Variants in EPHB1 observed in about 807,000 individuals in gnomAD.
The protein encoded by EPHB1 is ephrin type-B receptor 1.
EPHB1 carries 30 observed loss-of-function variants against 94.4 expected under a neutral mutation model. That is an observed-to-expected ratio of 0.32 (90% confidence interval 0.24 to 0.43). The LOEUF is 0.43. EPHB1 is among the 20% of genes least tolerant of loss of function. The probability of loss-of-function intolerance (pLI) is 1.00; values close to 1 mark genes in which losing one functional copy is unlikely to be tolerated. For synonymous variants in EPHB1, 522 were observed against 489.1 expected (o/e 1.07, Z -0.89); for missense variants, 1,055 against 1,308.3 (o/e 0.81, Z 2.99).
At chr3:135,254,798 T>C (rs1391901681) in intron 15 of EPHB1, among the ~76,000 whole-genome samples, 4 of 152,140 alleles carry the variant, frequency 2.6e-5, no homozygotes, top group Non-Finnish European at 4.4e-5. Flanking sequence ...ATGGTACCAA[T>C]TCCTCCTTGT....
chr3:134,872,014 C>T, intron 1 of EPHB1, among the ~76,000 whole-genome samples: 1 of 152,194 alleles, frequency 6.6e-6, no homozygotes, highest in Middle Eastern at 3.2e-3. Context: ...TTCCCTCCAC[C>T]TCTGTTACTT....
intron 1 of EPHB1, among the ~76,000 whole-genome samples, chr3:134,849,884 T>C (rs912188851): frequency 9.2e-5 from 14 of 152,192 alleles, no homozygotes; most frequent in African/African-American, 3.1e-4. Context: ...GCTGGGGGGA[T>C]ATGCCTCCTT....
intron 10 of EPHB1, among the ~76,000 whole-genome samples, chr3:135,182,999 T>C (rs1435128937): frequency 1.5e-5 from 1 of 65,520 alleles, no homozygotes; most frequent in African/African-American, 5.1e-5. Context: ...TCTTTTCTTT[T>C]CTTTTCTTTT....
At chr3:135,050,918 GT>G in intron 3 of EPHB1, among the ~76,000 whole-genome samples, 1 of 137,114 alleles carries the variant, frequency 7.3e-6, no homozygotes, top group Admixed American at 7.0e-5. Context: ...CCCTTTGTGT[GT>G]GTGTGTGTGT....
Position 134,951,432 on chromosome 3 carries a change from A to G in EPHB1, c.185A>G (p.Asn62Ser). Reference protein sequence around the residue: ...LNTIRTYQVCNVFEPNQNNWL... With the variant: ...LNTIRTYQVCSVFEPNQNNWL... The stretch of plus-strand genomic sequence containing the variant: ...ACCATCCGCACCTACCAGGTGTGCA[A>G]TGTCTTCGAGCCCAACCAGAACAAT... The change falls in exon 3 of 16, where the codon AAT becomes AGT. Residue 62 changes from asparagine (N) to serine (S), a missense_variant. Physicochemically the swap from Asn to Ser is conservative, Grantham distance 46 (BLOSUM62 1). Coordinates refer to ENST00000398015, the MANE Select transcript of EPHB1 (RefSeq NM_004441.5). The surrounding 1 kb of genome is among the most constrained non-coding windows in gnomAD (Gnocchi z 4.5). 1.2e-6 allele frequency: 2 copies of G among 1,608,864 alleles called. No individual in the cohort carries two copies. Among genetic ancestry groups the G allele is most frequent in the Non-Finnish European group, 1.7e-6 (2 of 1,176,892 alleles).
chr3:134,987,879 A>G (rs1027752775), intron 3 of EPHB1, among the ~76,000 whole-genome samples: 3 of 152,186 alleles, frequency 2.0e-5, no homozygotes, highest in Non-Finnish European at 4.4e-5. Flanking sequence ...TGATACCTTG[A>G]TCTTGGACGC....
At chr3:134,995,213 A>G (rs1251139727) in intron 3 of EPHB1, among the ~76,000 whole-genome samples, 2 of 152,210 alleles carry the variant, frequency 1.3e-5, no homozygotes, top group South Asian at 2.1e-4. Context: ...AAGGTGCTGT[A>G]TAAATGGAAT....
chr3:135,180,133 A>G (rs936804555), intron 10 of EPHB1, among the ~76,000 whole-genome samples, 151 bp downstream of exon 10: 2 of 152,136 alleles, frequency 1.3e-5, no homozygotes, highest in Admixed American at 6.5e-5. Flanking sequence ...AACTATCTAC[A>G]TGTGTATCTA....
intron 4 of EPHB1, among the ~76,000 whole-genome samples, chr3:135,120,497 G>A (rs181836284): frequency 6.6e-6 from 1 of 152,310 alleles, no homozygotes; most frequent in Admixed American, 6.5e-5. Context: ...GGGAGGGACT[G>A]TAGAGGGTGT....
intron 12 of EPHB1, among the ~76,000 whole-genome samples, chr3:135,239,047 CAG>C (rs1470080267): frequency 6.6e-6 from 1 of 152,202 alleles, no homozygotes; most frequent in Non-Finnish European, 1.5e-5. Flanking sequence ...ATGATGAGAA[CAG>C]AGAGTCTGGC....
chr3:135,123,772 C>T lies in EPHB1; in HGVS notation c.962-8942C>T, dbSNP rs114570938. On this transcript the variant is annotated intron_variant, in intron 4 of 15. Transcript: ENST00000398015. Reference sequence around the variant, plus strand: ...ACATAGTATCTGTAAAAAGACTGTTCGTGCTGTTCAGAGATGTTACAAAGT... The same window carrying T: ...ACATAGTATCTGTAAAAAGACTGTTTGTGCTGTTCAGAGATGTTACAAAGT... 1.6e-3 allele frequency among the ~76,000 whole-genome samples: 247 copies of T among 151,958 alleles called. 7 individuals are homozygous for T. Among genetic ancestry groups the T allele is most frequent in the African/African-American group, 5.7e-3 (234 of 41,270 alleles).
intron 3 of EPHB1, among the ~76,000 whole-genome samples, chr3:134,994,642 T>C (rs1192578547): frequency 6.6e-6 from 1 of 152,212 alleles, no homozygotes; most frequent in Non-Finnish European, 1.5e-5. Flanking sequence ...CAGGCTGGCA[T>C]TGAACTCCTA....
chr3:135,151,681 TTTAA>T (rs144314553), intron 5 of EPHB1, among the ~76,000 whole-genome samples: 1,918 of 152,306 alleles, frequency 0.013, 37 homozygotes, highest in South Asian at 0.037. Context: ...AATAAATATG[TTTAA>T]TTAATTAATT....
chr3:135,190,553 A>G (rs1942428434), intron 10 of EPHB1, among the ~76,000 whole-genome samples: 1 of 151,866 alleles, frequency 6.6e-6, no homozygotes, highest in Admixed American at 6.6e-5. Flanking sequence ...ACATATATAC[A>G]TACATCCACA....
At chr3:135,145,388 C>T (rs1054388833) in intron 5 of EPHB1, among the ~76,000 whole-genome samples, 7 of 152,178 alleles carry the variant, frequency 4.6e-5, no homozygotes, top group African/African-American at 1.7e-4. Flanking sequence ...CCCCATCACT[C>T]ATAGCTTCTA....
At chr3:135,119,189 C>A in intron 4 of EPHB1, among the ~76,000 whole-genome samples, 1 of 152,116 alleles carries the variant, frequency 6.6e-6, no homozygotes, top group East Asian at 1.9e-4. Context: ...ATAACCCTTG[C>A]CTTTTTCTAT....
Position 135,233,204 on chromosome 3 carries a change from C to G in EPHB1, c.2347-7944C>G, listed in dbSNP as rs192149943. On this transcript the variant is annotated intron_variant, in intron 12 of 15. Transcript: ENST00000398015. ...CTGTGACAAGGCAGGTCTCTTCCAC[C>G]TATGAGCCTGTAAAATCAAAAGCAA... Among the ~76,000 whole-genome samples the G allele has an allele frequency of 2.1e-3, 322 of 152,328 alleles. 3 individuals carry two copies. Among genetic ancestry groups the G allele is most frequent in the Middle Eastern group, 0.01 (3 of 294 alleles).
intron 1 of EPHB1, among the ~76,000 whole-genome samples, chr3:134,879,839 G>A (rs560104590): frequency 6.6e-6 from 1 of 152,116 alleles, no homozygotes; most frequent in South Asian, 2.1e-4. Flanking sequence ...AAAAGTAGGG[G>A]TTGGTGAAGT....
intron 3 of EPHB1, among the ~76,000 whole-genome samples, chr3:135,044,143 G>T (rs748787352): frequency 6.6e-6 from 1 of 152,218 alleles, no homozygotes; most frequent in Non-Finnish European, 1.5e-5. Context: ...TCTGTTTATT[G>T]CAGCTTGCCA....
Sources: gnomAD v4.1 joint callset for allele counts (sites outside exome capture counted in the v4.1 genomes callset) on GRCh38, gnomAD v4.1.1 for gene constraint, Gnocchi (gnomAD v3.1) non-coding constraint, MANE v1.5 for transcripts, NCBI Gene and HGNC (gene_info 2026-07-23, HGNC 2026-07-21) for gene names.